The following STAG1 variants were observed in gnomAD, a reference collection of about 807,000 sequenced individuals.
The protein encoded by STAG1 is cohesin subunit SA-1.
STAG1 carries 26 observed loss-of-function variants against 170.9 expected under a neutral mutation model. The ratio of observed to expected loss-of-function variants is 0.15; its 90% CI spans 0.11 to 0.21. STAG1 has a LOEUF of 0.21. Among genes scored for constraint, STAG1 ranks in the 10% least tolerant of loss-of-function variants. STAG1 has a pLI of 1.00. For synonymous variants in STAG1, 514 were observed against 497.7 expected, an observed-to-expected ratio of 1.03 and a Z score of -0.44; for missense variants, 964 against 1,509.5, an observed-to-expected ratio of 0.64 and a Z score of 5.99.
At chr3:136,646,798 C>G (rs768258796) in intron 1 of STAG1, among the ~76,000 whole-genome samples, 1 of 151,802 alleles carries the variant, frequency 6.6e-6, no homozygotes, top group Non-Finnish European at 1.5e-5. Context: ...CCCAGCTACT[C>G]GGGAGGCTGA....
intron 1 of STAG1, among the ~76,000 whole-genome samples, chr3:136,660,303 T>G (rs755238767): frequency 2.6e-4 from 40 of 152,114 alleles, no homozygotes; most frequent in Non-Finnish European, 5.0e-4. Flanking sequence ...TTCAAAAACT[T>G]GTCTCTGCAA....
At chr3:136,634,402 G>C (rs1392339885) in intron 1 of STAG1, among the ~76,000 whole-genome samples, 2 of 151,526 alleles carry the variant, frequency 1.3e-5, no homozygotes, top group African/African-American at 2.4e-5. Flanking sequence ...CCATATAATG[G>C]GGGGGTCCCC....
chr3:136,431,136 T>G (rs1212812258), intron 16 of STAG1, among the ~76,000 whole-genome samples: 4 of 152,118 alleles, frequency 2.6e-5, no homozygotes, highest in Admixed American at 2.6e-4. Context: ...ACTCCTGACC[T>G]TAGGTAATCC....
chr3:136,540,822 C>CAAATAAAAAAA (rs1935854109), intron 6 of STAG1, among the ~76,000 whole-genome samples: 1 of 46,276 alleles, frequency 2.2e-5, no homozygotes, highest in Non-Finnish European at 4.4e-5. Flanking sequence ...ACTGTGTCTC[C>CAAATAAAAAAA]AAAAAAAAAA....
intron 13 of STAG1, among the ~76,000 whole-genome samples, chr3:136,453,714 C>A (rs910347603): frequency 6.7e-5 from 10 of 148,616 alleles, no homozygotes; most frequent in African/African-American, 2.5e-4. Context: ...AGTGAATAAA[C>A]GGTAGATAAG....
intron 5 of STAG1, among the ~76,000 whole-genome samples, chr3:136,549,640 A>C (rs1936304245): frequency 7.1e-6 from 1 of 139,864 alleles, no homozygotes; most frequent in Non-Finnish European, 1.5e-5. Context: ...TGTTAACAGA[A>C]ACAATTTCAC....
At chr3:136,691,207 G>A (rs758223715) in intron 1 of STAG1, among the ~76,000 whole-genome samples, 8 of 151,850 alleles carry the variant, frequency 5.3e-5, no homozygotes, top group Non-Finnish European at 7.4e-5. Flanking sequence ...AGGCCAAGGC[G>A]GGCAGATCAT....
intron 1 of STAG1, among the ~76,000 whole-genome samples, chr3:136,712,916 C>T (rs929053903): frequency 6.6e-6 from 1 of 151,964 alleles, no homozygotes; most frequent in Non-Finnish European, 1.5e-5. Flanking sequence ...CATGGCGAAA[C>T]TTCATCTCTA....
intron 7 of STAG1, among the ~76,000 whole-genome samples, chr3:136,515,743 C>T (rs1934340980): frequency 6.6e-6 from 1 of 151,930 alleles, no homozygotes; most frequent in Admixed American, 6.6e-5. Context: ...TTATTATAGA[C>T]CTAAATATAC....
intron 1 of STAG1, among the ~76,000 whole-genome samples, chr3:136,634,073 G>A (rs576320679): frequency 1.5e-3 from 221 of 147,802 alleles, no homozygotes; most frequent in African/African-American, 3.8e-3. Context: ...CCCAGGAGGC[G>A]GAGGTTGCAG....
At chr3:136,615,940 G>C (rs112659662) in intron 3 of STAG1, among the ~76,000 whole-genome samples, 7 of 152,126 alleles carry the variant, frequency 4.6e-5, no homozygotes, top group African/African-American at 1.4e-4. Flanking sequence ...TAAAATAAAG[G>C]ACAGATGTGG....
At chr3:136,394,177 A>G (rs1296698106) in intron 22 of STAG1, among the ~76,000 whole-genome samples, 1 of 152,222 alleles carries the variant, frequency 6.6e-6, no homozygotes, top group Non-Finnish European at 1.5e-5. Context: ...AAGTGCTGGA[A>G]TTACAGGCAT....
At chr3:136,606,613 G>A (rs1312132375) in intron 3 of STAG1, among the ~76,000 whole-genome samples, 1 of 152,082 alleles carries the variant, frequency 6.6e-6, no homozygotes, top group Non-Finnish European at 1.5e-5. Context: ...GATTCTCCTG[G>A]TTTTTGATGA....
intron 1 of STAG1, among the ~76,000 whole-genome samples, chr3:136,666,248 T>C (rs1559939055): frequency 6.6e-6 from 1 of 152,118 alleles, no homozygotes; most frequent in Non-Finnish European, 1.5e-5. Context: ...TCAAGGAAGC[T>C]GATTCTCCCC....
At chr3:136,487,913 C>T (rs1352942664) in intron 9 of STAG1, among the ~76,000 whole-genome samples, 1 of 152,196 alleles carries the variant, frequency 6.6e-6, no homozygotes, top group Non-Finnish European at 1.5e-5. Flanking sequence ...ATTCAAGGTG[C>T]TCTATGGAAA....
intron 7 of STAG1, among the ~76,000 whole-genome samples, chr3:136,512,197 T>C (rs1934103988): frequency 6.6e-6 from 1 of 150,608 alleles, no homozygotes. Context: ...AGTCCCAGCT[T>C]CAGGAGGCTA....
At chr3:136,472,387 T>C in intron 12 of STAG1, 26 bp downstream of exon 12, 1 of 1,546,884 alleles carries the variant, frequency 6.5e-7, no homozygotes, top group Non-Finnish European at 8.9e-7. Flanking sequence ...ATCAATAAAG[T>C]TAAAATAGTA....
intron 1 of STAG1, among the ~76,000 whole-genome samples, chr3:136,713,930 G>A (rs1181894747): frequency 2.0e-5 from 3 of 151,902 alleles, no homozygotes; most frequent in African/African-American, 4.8e-5. Flanking sequence ...GCCTGAGGCA[G>A]GGAGAATCAC....
chr3:136,348,935 G>T, intron 29 of STAG1: 2 of 543,928 alleles, frequency 3.7e-6, no homozygotes, highest in Non-Finnish European at 6.5e-6. Context: ...TCCTCTTTTG[G>T]GCTGTCTTCC....
Sources: allele counts gnomAD v4.1 joint callset (sites outside exome capture counted in the v4.1 genomes callset), GRCh38; gene constraint gnomAD v4.1.1; transcripts MANE v1.5; gene names NCBI Gene and HGNC (gene_info 2026-07-23, HGNC 2026-07-21).